SCHIP1: variants seen among roughly 807,000 people sequenced by gnomAD.
The protein encoded by SCHIP1 is schwannomin-interacting protein 1.
SCHIP1 carries 8 observed loss-of-function variants against 29.7 expected under a neutral mutation model. That is an observed-to-expected ratio of 0.27 (90% CI 0.16 to 0.49). The LOEUF is 0.49. SCHIP1 is among the 20% of genes least tolerant of loss of function. The pLI is 0.99. For synonymous variants in SCHIP1, 76 were observed against 94.9 expected (o/e 0.80, Z 1.16); for missense variants, 193 against 294.6 (o/e 0.66, Z 2.52).
chr3:159,439,757 C>A, the SCHIP1 span, among the ~76,000 whole-genome samples: 1 of 151,980 alleles, frequency 6.6e-6, no homozygotes, highest in African/African-American at 2.4e-5. Flanking sequence ...TTTGTTTAAG[C>A]TCCTAATAGA....
At chr3:159,439,992 ATGACAT>A in the SCHIP1 span, among the ~76,000 whole-genome samples, 1 of 152,142 alleles carries the variant, frequency 6.6e-6, no homozygotes, top group Admixed American at 6.6e-5. Context: ...TATATCCTGA[ATGACAT>A]TGCTTAGGTT....
the SCHIP1 span, among the ~76,000 whole-genome samples, chr3:159,493,394 G>A: frequency 2.0e-5 from 3 of 152,130 alleles, no homozygotes; most frequent in Admixed American, 1.3e-4. Flanking sequence ...TCAAAATAAA[G>A]GGATGGAGGA....
chr3:159,430,276 C>T, the SCHIP1 span, among the ~76,000 whole-genome samples: 1 of 151,980 alleles, frequency 6.6e-6, no homozygotes, highest in Non-Finnish European at 1.5e-5. Flanking sequence ...TTATTATTTT[C>T]TAATGGAAAA....
At chr3:159,409,222 T>C in the SCHIP1 span, among the ~76,000 whole-genome samples, 1 of 152,086 alleles carries the variant, frequency 6.6e-6, no homozygotes, top group Non-Finnish European at 1.5e-5. Context: ...CTCTAAGATC[T>C]GGAACATGAC....
At chr3:159,712,440 A>C in the SCHIP1 span, among the ~76,000 whole-genome samples, 2 of 152,184 alleles carry the variant, frequency 1.3e-5, no homozygotes, top group Non-Finnish European at 2.9e-5. Flanking sequence ...TCTGTGATCC[A>C]GTCTGGTGGC....
At chr3:159,307,535 G>A in the SCHIP1 span, among the ~76,000 whole-genome samples, 1 of 151,726 alleles carries the variant, frequency 6.6e-6, no homozygotes, top group African/African-American at 2.4e-5. Flanking sequence ...ATTTTTTTTT[G>A]ATATTTTCCT....
chr3:159,760,739 A>G, the SCHIP1 span, among the ~76,000 whole-genome samples: 4 of 152,230 alleles, frequency 2.6e-5, no homozygotes, highest in Non-Finnish European at 5.9e-5. Flanking sequence ...TTGGGAAGTC[A>G]ATGCAGTAAG....
chr3:159,871,863 C>G (rs1577468195), intron 2 of SCHIP1, among the ~76,000 whole-genome samples: 2 of 152,142 alleles, frequency 1.3e-5, no homozygotes, highest in East Asian at 1.9e-4. Flanking sequence ...TTCTGCCAGG[C>G]CACAGGTGGT....
chr3:159,284,499 G>GT, the SCHIP1 span, among the ~76,000 whole-genome samples: 19 of 151,428 alleles, frequency 1.3e-4, no homozygotes, highest in Non-Finnish European at 2.2e-4. Context: ...GTTTTGTTTT[G>GT]TTTTTTTGAG....
the SCHIP1 span, among the ~76,000 whole-genome samples, chr3:159,507,678 G>A: frequency 1.3e-5 from 2 of 152,092 alleles, no homozygotes; most frequent in African/African-American, 4.8e-5. Context: ...TAGCATGAAG[G>A]GTTGTTGAAT....
At chr3:159,504,187 G>A in the SCHIP1 span, among the ~76,000 whole-genome samples, 1 of 152,276 alleles carries the variant, frequency 6.6e-6, no homozygotes, top group Non-Finnish European at 1.5e-5. Flanking sequence ...GTGAAAAGAT[G>A]AAATTATCAC....
chr3:159,623,783 G>A, the SCHIP1 span, among the ~76,000 whole-genome samples: 2 of 141,624 alleles, frequency 1.4e-5, no homozygotes, highest in African/African-American at 6.4e-5. Flanking sequence ...AGAATGTAGT[G>A]TACCCCATAA....
the SCHIP1 span, among the ~76,000 whole-genome samples, chr3:159,385,778 T>A: frequency 6.6e-6 from 1 of 152,152 alleles, no homozygotes; most frequent in Non-Finnish European, 1.5e-5. Context: ...TAGGTATACA[T>A]GTGCCATGGT....
chr3:159,845,001 AAATCTTT>A (rs1711586777), intron 1 of SCHIP1, among the ~76,000 whole-genome samples: 1 of 152,258 alleles, frequency 6.6e-6, no homozygotes, highest in Non-Finnish European at 1.5e-5. Context: ...GCACCGTCAG[AAATCTTT>A]AATGCTTCCC....
At chr3:159,744,527 C>G in the SCHIP1 span, among the ~76,000 whole-genome samples, 28 of 152,276 alleles carry the variant, frequency 1.8e-4, no homozygotes, top group African/African-American at 6.3e-4. Flanking sequence ...AATACTTTTC[C>G]CCCTGCCTAT....
chr3:159,385,803 A>T, the SCHIP1 span, among the ~76,000 whole-genome samples: 1 of 152,124 alleles, frequency 6.6e-6, no homozygotes, highest in Admixed American at 6.5e-5. Context: ...TGCTGCACCC[A>T]TCAACTACAT....
At chr3:159,712,245 G>T in the SCHIP1 span, among the ~76,000 whole-genome samples, 1 of 152,178 alleles carries the variant, frequency 6.6e-6, no homozygotes, top group Non-Finnish European at 1.5e-5. Context: ...GTCCCTTTCA[G>T]CTATCCAGCC....
At chr3:159,637,108 A>C in the SCHIP1 span, among the ~76,000 whole-genome samples, 1 of 152,220 alleles carries the variant, frequency 6.6e-6, no homozygotes, top group Non-Finnish European at 1.5e-5. Context: ...TTTGAAGTAA[A>C]TAGCAAATCA....
At chr3:159,322,339 G>C in the SCHIP1 span, among the ~76,000 whole-genome samples, 2 of 152,148 alleles carry the variant, frequency 1.3e-5, no homozygotes, top group Non-Finnish European at 2.9e-5. Flanking sequence ...AAAATTATCA[G>C]GTGGAAACAG....
Sources: allele counts gnomAD v4.1 joint callset (sites outside exome capture counted in the v4.1 genomes callset), GRCh38; gene constraint gnomAD v4.1.1; transcripts MANE v1.5; gene names NCBI Gene and HGNC (gene_info 2026-07-23, HGNC 2026-07-21).